Variants in SCRT2 observed in about 807,000 individuals in gnomAD.
SCRT2 encodes transcriptional repressor scratch 2.
A neutral mutation model predicts 3.7 loss-of-function variants in SCRT2; 2 were observed. That is an observed-to-expected ratio of 0.54 (90% CI 0.22 to 1.70). The LOEUF (loss-of-function observed/expected upper bound fraction) is 1.70. Among genes scored for constraint, SCRT2 ranks in the 40% most tolerant of loss-of-function variants. SCRT2 has a pLI of 0.19. For synonymous variants in SCRT2, 256 were observed against 220.6 expected, an observed-to-expected ratio of 1.16 and a Z score of -1.42; for missense variants, 456 against 468.5, an observed-to-expected ratio of 0.97 and a Z score of 0.25.
In SCRT2 at chr20:664,344, G is replaced by A; in HGVS notation, c.251C>T (p.Pro84Leu). The change falls in exon 2 of 2, where the codon CCC becomes CTC. Residue 84 changes from proline to leucine, a missense_variant. Pro to Leu is a moderately conservative substitution (Grantham distance 98, BLOSUM62 -3). This residue lies in a region of SCRT2 where 306 missense variants were observed against 305.3 expected (regional missense o/e 1.00). Coordinates refer to ENST00000246104, the MANE Select transcript of SCRT2 (RefSeq NM_033129.4). The surrounding 1 kb of genome is among the most constrained non-coding windows in gnomAD (Gnocchi z 7.9). ...CGACAGGCTCGACTGCGGGCTTTCGGGGTCGCTGTACTCCTCCGGCGCCGC... is the reference window on the plus strand; with the variant it reads ...CGACAGGCTCGACTGCGGGCTTTCGAGGTCGCTGTACTCCTCCGGCGCCGC... Reference protein sequence around the residue: ...PPAAPEEYSDPESPQSSLSAR... With the variant: ...PPAAPEEYSDLESPQSSLSAR... The A allele has an allele frequency of 6.7e-7, 1 of 1,494,784 alleles. No individual in the cohort carries two copies. The highest frequency in any genetic ancestry group is 9.0e-7 in the Non-Finnish European group (1 of 1,113,222). 92.6% of individuals were successfully genotyped at this position (1,494,784 alleles called of 1,614,324 possible). A position where few individuals can be genotyped will look rare whatever the true frequency, so the allele number is the denominator to read the frequency against.
rs760930059 is a variant in SCRT2 at position 665,214 on chromosome 20, C to A, written c.134-753G>T. The stretch of plus-strand genomic sequence containing the variant: ...TTTACTTGCTTGGAGATAGTTTCCT[C>A]CCCCACCACACTGTGAGCTCCCCAT... On this transcript the variant is annotated intron_variant, in intron 1 of 1. Transcript: ENST00000246104. This position sits in a 1 kb window ranked among gnomAD's most constrained non-coding sequence, Gnocchi z 5.0. Among the ~76,000 whole-genome samples the A allele has an allele frequency of 1.6e-4, 24 of 152,180 alleles. No individual in the cohort carries two copies. The highest frequency in any genetic ancestry group is 2.1e-4 in the Non-Finnish European group (14 of 68,026).
In SCRT2 at chr20:675,367, G is replaced by A. The variant is rs765916804; in HGVS notation, c.133+102C>T. The A allele has an allele frequency of 9.8e-7, 1 of 1,018,576 alleles. No homozygotes were observed. The highest frequency in any genetic ancestry group is 1.3e-6 in the Non-Finnish European group (1 of 784,918). The allele number at this position is 1,018,576 out of a possible 1,614,324, so 63.1% of individuals were successfully genotyped here. Reference sequence around the variant, plus strand: ...CGGCCAGAGAGATCTCCTCCCGGGGGTTTCCTGTCGCACGCGCCCCTCCTC... The same window carrying A: ...CGGCCAGAGAGATCTCCTCCCGGGGATTTCCTGTCGCACGCGCCCCTCCTC... On this transcript the variant is annotated intron_variant, in intron 1 of 1. Coordinates refer to ENST00000246104, the MANE Select transcript of SCRT2 (RefSeq NM_033129.4). This position sits in a 1 kb window ranked among gnomAD's most constrained non-coding sequence, Gnocchi z 6.9.
Position 666,932 on chromosome 20 carries a change from A to T in SCRT2, c.134-2471T>A, listed in dbSNP as rs1018643984. ...TCAGGTCCTTTTTTTTTAAAATGGG[A>T]TTTATCTGGAGGGGTGACTGATCAC... On this transcript the variant is annotated intron_variant, in intron 1 of 1. Transcript: ENST00000246104. This position sits in a 1 kb window ranked among gnomAD's most constrained non-coding sequence, Gnocchi z 4.4. Among the ~76,000 whole-genome samples, 4 of 151,628 alleles carry T rather than the reference A, an allele frequency of 2.6e-5. No individual in the cohort carries two copies. Among genetic ancestry groups the T allele is most frequent in the Non-Finnish European group, 5.9e-5 (4 of 67,946 alleles).
intron 1 of SCRT2, among the ~76,000 whole-genome samples, chr20:673,680 C>CT (rs1296101606): frequency 1.3e-5 from 2 of 151,990 alleles, no homozygotes; most frequent in South Asian, 2.1e-4. Context: ...CCTTTCAAAG[C>CT]TTTTTTTTGG....
In SCRT2 at chr20:663,416, G is replaced by A; in HGVS notation, c.*255C>T. 5.4e-6 allele frequency: 2 copies of A among 371,124 alleles called. No homozygotes were observed. Among genetic ancestry groups the A allele is most frequent in the East Asian group, 4.3e-5 (1 of 23,360 alleles). The allele number at this position is 371,124 out of a possible 1,614,324, so 23.0% of individuals were successfully genotyped here. ...TGCCTGAGTTGGGAGCCTTGAAGGC[G>A]CGGACAGGGGGGTCAAGGTCCGAGG... On this transcript the variant is annotated 3_prime_UTR_variant, in exon 2 of 2. Coordinates refer to ENST00000246104, the MANE Select transcript of SCRT2 (RefSeq NM_033129.4). The surrounding 1 kb of genome is among the most constrained non-coding windows in gnomAD (Gnocchi z 6.9).
At chr20:672,432 C>T (rs145084208) in intron 1 of SCRT2, among the ~76,000 whole-genome samples, 36 of 149,270 alleles carry the variant, frequency 2.4e-4, no homozygotes, top group African/African-American at 8.9e-4. Flanking sequence ...TGCGCGCGTG[C>T]GTGTGTGTGT....
intron 1 of SCRT2, among the ~76,000 whole-genome samples, chr20:669,684 G>A (rs1160098728): frequency 6.6e-6 from 1 of 152,226 alleles, no homozygotes; most frequent in Non-Finnish European, 1.5e-5. Flanking sequence ...CTCGGGCCTC[G>A]AGAATCAGCT....
chr20:668,463 A>G (rs1488489441), intron 1 of SCRT2, among the ~76,000 whole-genome samples: 1 of 152,174 alleles, frequency 6.6e-6, no homozygotes, highest in African/African-American at 2.4e-5. Flanking sequence ...AGAGATAGGG[A>G]TGAGCTGGGA....
intron 1 of SCRT2, among the ~76,000 whole-genome samples, chr20:671,525 T>G (rs1416070516): frequency 2.0e-5 from 3 of 152,240 alleles, no homozygotes; most frequent in African/African-American, 7.2e-5. Flanking sequence ...GGAAGCCCTT[T>G]TGCATTGCTG....
chr20:663,734 G>A lies in SCRT2; in HGVS notation c.861C>T (p.Cys287=). 6.4e-7 allele frequency: 1 copy of A among 1,554,902 alleles called. No individual in the cohort carries two copies. Among genetic ancestry groups the A allele is most frequent in the Non-Finnish European group, 8.7e-7 (1 of 1,153,206 alleles). Residue 287 remains cysteine (C), a synonymous_variant, in exon 2 of 2, where the codon TGC becomes TGT. Transcript: ENST00000246104. This position sits in a 1 kb window ranked among gnomAD's most constrained non-coding sequence, Gnocchi z 6.9. ...CGGCCGCCTTGGCGCAGGCCGCCTC[G>A]CAGTGCTTGTGGAGGTAGGACTTGA... is the stretch of plus-strand genomic sequence containing the variant. ...FALKSYLHKH[C]EAACAKAAEP...
At position 663,867 on chromosome 20, in the gene SCRT2, G is replaced by C. The variant is rs747952310; in HGVS notation, c.728C>G (p.Ala243Gly). 7 of 1,598,612 alleles carry C rather than the reference G, an allele frequency of 4.4e-6. No individual in the cohort carries two copies. The South Asian group carries it at 6.7e-5, about 15-fold the overall frequency. The stretch of plus-strand genomic sequence containing the variant: ...GTCGGCGAAGGCCTTGCCGCAGTGC[G>C]CGCAGCCGAACGGCTTTTCGCCGGT... The part of the protein sequence containing the change: ...SHTGEKPFGC[A>G]HCGKAFADRS... The change falls in exon 2 of 2, where the codon GCG becomes GGG. Residue 243 changes from alanine to glycine, a missense_variant. This residue lies in a region of SCRT2 where 144 missense variants were observed against 141.9 expected (regional missense o/e 1.01). Coordinates refer to ENST00000246104, the MANE Select transcript of SCRT2 (RefSeq NM_033129.4). The surrounding 1 kb of genome is among the most constrained non-coding windows in gnomAD (Gnocchi z 6.9).
chr20:666,238 C>T lies in SCRT2; in HGVS notation c.134-1777G>A, dbSNP rs971546308. 5.9e-5 allele frequency among the ~76,000 whole-genome samples: 9 copies of T among 152,006 alleles called. No homozygotes were observed. Among genetic ancestry groups the T allele is most frequent in the South Asian group, 2.1e-4 (1 of 4,814 alleles). ...GGGGAGAGGAGATGCCCAGCCTCTCCGCACCCTATGTCTCCCGTCCCATCT... is the reference window on the plus strand; with the variant it reads ...GGGGAGAGGAGATGCCCAGCCTCTCTGCACCCTATGTCTCCCGTCCCATCT... On this transcript the variant is annotated intron_variant, in intron 1 of 1. Transcript: ENST00000246104. The surrounding 1 kb of genome is among the most constrained non-coding windows in gnomAD (Gnocchi z 4.4).
Position 662,727 on chromosome 20 carries a change from A to C in SCRT2, c.*944T>G, listed in dbSNP as rs1326531483. On this transcript the variant is annotated 3_prime_UTR_variant, in exon 2 of 2. Transcript: ENST00000246104. Reference sequence around the variant, plus strand: ...TGCTCCAGACCTCCCCCCAACAAGTAAGGAAGGGGATCTGTGGCCCTGGGG... The same window carrying C: ...TGCTCCAGACCTCCCCCCAACAAGTCAGGAAGGGGATCTGTGGCCCTGGGG... 1.3e-5 allele frequency: 2 copies of C among 152,710 alleles called. No homozygotes were observed. The highest frequency in any genetic ancestry group is 1.3e-4 in the Admixed American group (2 of 15,284). 9.5% of individuals were successfully genotyped at this position (152,710 alleles called of 1,614,324 possible).
In SCRT2 at chr20:675,494, G is replaced by T; in HGVS notation, c.108C>A (p.Gly36=). 7.3e-7 allele frequency: 1 copy of T among 1,368,726 alleles called. No homozygotes were observed. Among genetic ancestry groups the T allele is most frequent in the Non-Finnish European group, 9.5e-7 (1 of 1,056,194 alleles). The allele number at this position is 1,368,726 out of a possible 1,614,324, so 84.8% of individuals were successfully genotyped here. Residue 36 remains glycine, a synonymous_variant, in exon 1 of 2, where the codon GGC becomes GGA. Coordinates refer to ENST00000246104, the MANE Select transcript of SCRT2 (RefSeq NM_033129.4). This position sits in a 1 kb window ranked among gnomAD's most constrained non-coding sequence, Gnocchi z 6.9. ...HPLETAYVLP[G]ARGPPGDNGY... is the part of the protein sequence containing the mutation. ...CGTTGTCCCCGGGAGGCCCCCGGGC[G>T]CCAGGCAGCACGTAGGCTGTCTCCA... is the stretch of plus-strand genomic sequence containing the variant.
Position 675,635 on chromosome 20 carries a change from C to T in SCRT2, c.-34G>A, listed in dbSNP as rs745660639. On this transcript the variant is annotated 5_prime_UTR_variant, in exon 1 of 2. Coordinates refer to ENST00000246104, the MANE Select transcript of SCRT2 (RefSeq NM_033129.4). This position sits in a 1 kb window ranked among gnomAD's most constrained non-coding sequence, Gnocchi z 6.9. The stretch of plus-strand genomic sequence containing the variant: ...CGGCGCGGGGCTCGGTGCGGGGAGG[C>T]GGCCGGCCGGGCGCGATCGGCTGTG... The T allele has an allele frequency of 3.3e-5, 41 of 1,254,722 alleles. No homozygotes were observed. Among genetic ancestry groups the T allele is most frequent in the Non-Finnish European group, 3.8e-5 (38 of 991,440 alleles). 77.7% of individuals were successfully genotyped at this position (1,254,722 alleles called of 1,614,324 possible).
In SCRT2 at chr20:663,596, G is replaced by C. The variant is rs1236297181; in HGVS notation, c.*75C>G. On this transcript the variant is annotated 3_prime_UTR_variant, in exon 2 of 2. Transcript: ENST00000246104. The surrounding 1 kb of genome is among the most constrained non-coding windows in gnomAD (Gnocchi z 6.9). ...GGGAAACGCAGCCGGGGCTGGGCGA[G>C]GGCGCTGCGGGCGCAGGTAGGGGGC... is the stretch of plus-strand genomic sequence containing the variant. The C allele has an allele frequency of 1.0e-5, 13 of 1,259,914 alleles. No homozygotes were observed. Among genetic ancestry groups the C allele is most frequent in the African/African-American group, 3.2e-5 (2 of 63,398 alleles). The allele number at this position is 1,259,914 out of a possible 1,614,324, so 78.0% of individuals were successfully genotyped here.
intron 1 of SCRT2, among the ~76,000 whole-genome samples, chr20:670,309 C>T (rs1984290945): frequency 1.3e-5 from 2 of 152,184 alleles, no homozygotes; most frequent in South Asian, 2.1e-4. Context: ...CACCTCTTCC[C>T]CCGGCCTCCT....
chr20:664,409 C>A lies in SCRT2; in HGVS notation c.186G>T (p.Pro62=). 1 of 1,372,294 alleles carries A rather than the reference C, an allele frequency of 7.3e-7. No homozygotes were observed. Among genetic ancestry groups the A allele is most frequent in the South Asian group, 1.6e-5 (1 of 61,872 alleles). The allele number at this position is 1,372,294 out of a possible 1,614,324, so 85.0% of individuals were successfully genotyped here. ...GCTCGGCCGGGGCCAGCTCCAGGCC[C>A]GGCTTCTGGTCCGCATCGTAGCTGC... ...PPSSYDADQK[P]GLELAPAEPA... Residue 62 remains proline, a synonymous_variant, in exon 2 of 2, where the codon CCG becomes CCT. Transcript: ENST00000246104. This position sits in a 1 kb window ranked among gnomAD's most constrained non-coding sequence, Gnocchi z 7.9.
At chr20:669,074 A>G (rs1027311742) in intron 1 of SCRT2, among the ~76,000 whole-genome samples, 2 of 116,502 alleles carry the variant, frequency 1.7e-5, no homozygotes, top group African/African-American at 3.3e-5. Flanking sequence ...GAGATCTTCA[A>G]TTGGTAGGGG....
Sources: gnomAD v4.1 joint callset for allele counts (sites outside exome capture counted in the v4.1 genomes callset) on GRCh38, gnomAD v4.1.1 for gene constraint, gnomAD v4.1.1 regional missense constraint, Gnocchi (gnomAD v3.1) non-coding constraint, MANE v1.5 for transcripts, NCBI Gene and HGNC (gene_info 2026-07-23, HGNC 2026-07-21) for gene names.